PAK6: variants seen among roughly 807,000 people sequenced by gnomAD.
The protein encoded by PAK6 is p21 (RAC1) activated kinase 6.
In PAK6, 33 loss-of-function variants were observed where a neutral mutation model predicts 60.8. The ratio of observed to expected loss-of-function variants is 0.54; its 90% confidence interval spans 0.41 to 0.73. The LOEUF (loss-of-function observed/expected upper bound fraction) is 0.73, where lower values mean the gene tolerates loss of function less well. Ranked by LOEUF, PAK6 falls within the 30% of genes least tolerant of loss-of-function variation. The probability of loss-of-function intolerance (pLI) is 0.00; values close to 1 mark genes in which losing one functional copy is unlikely to be tolerated. For synonymous variants in PAK6, 404 were observed against 378.5 expected, an observed-to-expected ratio of 1.07 and a Z score of -0.78; for missense variants, 845 against 904.1, an observed-to-expected ratio of 0.93 and a Z score of 0.84.
At chr15:40,257,835 A>T (rs552185374) in intron 3 of PAK6, among the ~76,000 whole-genome samples, 1 of 152,030 alleles carries the variant, frequency 6.6e-6, no homozygotes, top group East Asian at 1.9e-4. Flanking sequence ...TCATCTGTGG[A>T]CACTAGACCA....
At chr15:40,242,801 T>C (rs1239592585) in intron 2 of PAK6, among the ~76,000 whole-genome samples, 1 of 152,194 alleles carries the variant, frequency 6.6e-6, no homozygotes, top group Non-Finnish European at 1.5e-5. Flanking sequence ...GGACCGTGTC[T>C]CTTCCTGGGA....
At chr15:40,272,984 T>C in exon 7 of PAK6, 1 of 1,613,758 alleles carries the variant, frequency 6.2e-7, no homozygotes, top group Non-Finnish European at 8.5e-7. Flanking sequence ...CTCACAGACA[T>C]CGTCTCCCAA....
intron 5 of PAK6, 166 bp downstream of exon 5, chr15:40,266,661 GCCT>G (rs2039147571): frequency 1.8e-6 from 1 of 546,642 alleles, no homozygotes; most frequent in East Asian, 3.2e-5. Context: ...AGGGTGGCTC[GCCT>G]CCTCCTTCCC....
chr15:40,264,263 G>T (rs1290916143), intron 3 of PAK6, among the ~76,000 whole-genome samples: 1 of 151,402 alleles, frequency 6.6e-6, no homozygotes, highest in Non-Finnish European at 1.5e-5. Flanking sequence ...TTAATATACT[G>T]TTGGATTCAA....
chr15:40,266,033 C>T (rs375526083), exon 5 of PAK6: 2 of 1,604,004 alleles, frequency 1.2e-6, no homozygotes, highest in Non-Finnish European at 1.7e-6. Context: ...ACCTCCAGAG[C>T]CCCCAGTCTG....
chr15:40,266,087 C>T, exon 5 of PAK6: 3 of 1,610,136 alleles, frequency 1.9e-6, no homozygotes, highest in Non-Finnish European at 1.7e-6. Flanking sequence ...GCAACGGGGG[C>T]ACACCAGCAG....
intron 3 of PAK6, chr15:40,259,108 C>T (rs1273914781): frequency 6.6e-6 from 1 of 152,336 alleles, no homozygotes; most frequent in Non-Finnish European, 1.5e-5. Context: ...CCCTTCCTTC[C>T]TCCTCCTGGT....
chr15:40,259,250 C>CCTTGGAGGTGGG (rs1203532605), intron 3 of PAK6: 2 of 152,266 alleles, frequency 1.3e-5, no homozygotes, highest in Admixed American at 6.5e-5. Context: ...GCAGCCACCT[C>CCTTGGAGGTGGG]CCTCAGCCCA....
At chr15:40,249,118 T>G (rs1265640750) in intron 2 of PAK6, among the ~76,000 whole-genome samples, 1 of 152,220 alleles carries the variant, frequency 6.6e-6, no homozygotes, top group African/African-American at 2.4e-5. Flanking sequence ...GCTGTCTTTT[T>G]GCTATAACCT....
At chr15:40,241,781 AGCCAAGGAAAGCCC>A in intron 2 of PAK6, among the ~76,000 whole-genome samples, 1 of 152,322 alleles carries the variant, frequency 6.6e-6, no homozygotes, top group South Asian at 2.1e-4. Flanking sequence ...TGGGGTCTCC[AGCCAAGGAAAGCCC>A]GCTCTGTGCA....
chr15:40,248,757 C>T (rs113089198), intron 2 of PAK6, among the ~76,000 whole-genome samples: 4,535 of 152,260 alleles, frequency 0.03, 158 homozygotes, highest in East Asian at 0.083. Context: ...TTGTGTCTCA[C>T]GTGACAGCCT....
chr15:40,269,104 C>T (rs1017184468), intron 5 of PAK6, among the ~76,000 whole-genome samples: 3 of 152,158 alleles, frequency 2.0e-5, no homozygotes, highest in African/African-American at 7.2e-5. Flanking sequence ...CTGCAACCTC[C>T]ACCTCCTGGG....
At chr15:40,264,568 G>A (rs1414431176) in intron 3 of PAK6, 19 of 631,630 alleles carry the variant, frequency 3.0e-5, no homozygotes, top group Admixed American at 1.3e-4. Context: ...AGTCTGCACT[G>A]GCTTATTTAT....
chr15:40,245,073 A>G (rs2038461781), intron 2 of PAK6: 1 of 152,172 alleles, frequency 6.6e-6, no homozygotes, highest in Non-Finnish European at 1.5e-5. Context: ...CTAGGCAACA[A>G]TCTCTTGTGC....
intron 10 of PAK6, 78 bp downstream of exon 10, chr15:40,274,354 C>A: frequency 6.9e-7 from 1 of 1,440,180 alleles, no homozygotes; most frequent in Non-Finnish European, 9.4e-7. Context: ...GGGCTCCCAG[C>A]ATCTCCCTTC....
intron 7 of PAK6, 38 bp from the exon 8 acceptor site, chr15:40,273,308 C>A: frequency 6.2e-7 from 1 of 1,604,676 alleles, no homozygotes. Context: ...CCAGAGCTAA[C>A]GTTCTCTTTC....
chr15:40,265,898 C>A (rs138470960), exon 5 of PAK6: 2 of 1,582,200 alleles, frequency 1.3e-6, no homozygotes, highest in Non-Finnish European at 1.7e-6. Flanking sequence ...GGCTGCTCAA[C>A]GACATCCAGA....
intron 4 of PAK6, among the ~76,000 whole-genome samples, 193 bp downstream of exon 4, chr15:40,265,182 C>G (rs1042701305): frequency 8.5e-5 from 13 of 152,178 alleles, no homozygotes; most frequent in Non-Finnish European, 1.9e-4. Flanking sequence ...CTGGGGAGAC[C>G]CTCTCTGCAG....
At chr15:40,252,161 CG>C (rs1383975136) in intron 2 of PAK6, 5 of 690,424 alleles carry the variant, frequency 7.2e-6, no homozygotes, top group Non-Finnish European at 1.0e-5. Flanking sequence ...CCGACTCCCG[CG>C]TGGGCTCTCC....
Sources: allele counts gnomAD v4.1 joint callset (sites outside exome capture counted in the v4.1 genomes callset), GRCh38; gene constraint gnomAD v4.1.1; transcripts MANE v1.5; gene names NCBI Gene and HGNC (gene_info 2026-07-23, HGNC 2026-07-21).